Variants in CFAP299 observed in about 807,000 individuals in gnomAD.
CFAP299 encodes the protein cilia and flagella associated protein 299, also known as cilia- and flagella-associated protein 299.
CFAP299 carries 21 observed loss-of-function variants against 27.0 expected under a neutral mutation model. The observed-to-expected ratio is 0.78, with a 90% CI of 0.55 to 1.12. The LOEUF is 1.12. Ranked by LOEUF, CFAP299 falls within the 50% of genes most tolerant of loss-of-function variation. The pLI is 0.00. For synonymous variants in CFAP299, 104 were observed against 98.1 expected (o/e 1.06, Z -0.36); for missense variants, 310 against 276.6 (o/e 1.12, Z -0.86).
At chr4:80,719,621 C>T (rs1722701995) in intron 3 of CFAP299, among the ~76,000 whole-genome samples, 1 of 152,160 alleles carries the variant, frequency 6.6e-6, no homozygotes, top group African/African-American at 2.4e-5. Flanking sequence ...AAACTGCATG[C>T]TCTTTGTAAG....
chr4:80,945,249 AG>A (rs1481060293), intron 5 of CFAP299, among the ~76,000 whole-genome samples: 1 of 152,198 alleles, frequency 6.6e-6, no homozygotes, highest in Admixed American at 6.5e-5. Flanking sequence ...CCGATCCTGC[AG>A]ATGTCCAGCC....
rs372565055 is a variant in CFAP299, at chr4:80,680,610, A to G, written c.333+97427A>G. Among the ~76,000 whole-genome samples the G allele has an allele frequency of 1.3e-4, 20 of 152,278 alleles. No homozygotes were observed. The South Asian group carries it at 3.9e-3, about 30-fold the overall frequency. On this transcript the variant is annotated intron_variant, in intron 3 of 5. Transcript: ENST00000358105. ...TTGGACAAAGATGGTTTCATAGAGG[A>G]TGAGGAAAGACTGAAGAAAAAAAGA...
At chr4:80,386,222 A>G in intron 2 of CFAP299, 1 of 1,008,568 alleles carries the variant, frequency 9.9e-7, no homozygotes, top group Non-Finnish European at 1.5e-6. Context: ...AGCATGGCAC[A>G]TGGGCCCTCG....
intron 2 of CFAP299, among the ~76,000 whole-genome samples, chr4:80,363,224 G>A (rs796668281): frequency 3.9e-5 from 6 of 152,104 alleles, no homozygotes; most frequent in Non-Finnish European, 7.4e-5. Context: ...GTACTTTGAG[G>A]TCTGTAAATC....
At chr4:80,899,339 C>A (rs910625823) in intron 4 of CFAP299, among the ~76,000 whole-genome samples, 1 of 152,030 alleles carries the variant, frequency 6.6e-6, no homozygotes. Context: ...AAAGTTAGTG[C>A]TTAAATCCTT....
chr4:80,749,953 A>G (rs1397033698), intron 3 of CFAP299, among the ~76,000 whole-genome samples: 4 of 152,236 alleles, frequency 2.6e-5, no homozygotes, highest in East Asian at 1.9e-4. Flanking sequence ...AGTACTTATC[A>G]TAGTACCTGA....
intron 3 of CFAP299, among the ~76,000 whole-genome samples, chr4:80,640,024 T>C (rs1739648031): frequency 6.6e-6 from 1 of 152,134 alleles, no homozygotes; most frequent in African/African-American, 2.4e-5. Flanking sequence ...GGTGAAAAAG[T>C]TCTGGAGATG....
chr4:80,772,628 G>A (rs531360283), intron 3 of CFAP299, among the ~76,000 whole-genome samples: 1 of 152,046 alleles, frequency 6.6e-6, no homozygotes, highest in East Asian at 1.9e-4. Context: ...CATGTGCCAT[G>A]GTGGTTTGCT....
At chr4:80,411,953 T>A (rs1303444025) in intron 2 of CFAP299, among the ~76,000 whole-genome samples, 2 of 152,132 alleles carry the variant, frequency 1.3e-5, no homozygotes, top group Non-Finnish European at 2.9e-5. Flanking sequence ...CTTCTCTAAG[T>A]ACTACTCTGA....
intron 3 of CFAP299, among the ~76,000 whole-genome samples, chr4:80,833,931 A>C (rs1311123941): frequency 6.6e-6 from 1 of 152,216 alleles, no homozygotes; most frequent in Non-Finnish European, 1.5e-5. Flanking sequence ...GAAGCTAAAG[A>C]GACCATTCCA....
intron 5 of CFAP299, among the ~76,000 whole-genome samples, chr4:80,952,638 G>A (rs909183310): frequency 6.6e-6 from 1 of 152,054 alleles, no homozygotes. Context: ...CTGAGCAAAA[G>A]ACTAGACACA....
chr4:80,686,583 G>T (rs551381579), intron 3 of CFAP299, among the ~76,000 whole-genome samples: 1 of 152,152 alleles, frequency 6.6e-6, no homozygotes, highest in African/African-American at 2.4e-5. Flanking sequence ...TGCTTTTACC[G>T]CTGTTAATCA....
chr4:80,556,842 C>T (rs1178099078), intron 2 of CFAP299, among the ~76,000 whole-genome samples: 1 of 151,926 alleles, frequency 6.6e-6, no homozygotes, highest in East Asian at 1.9e-4. Context: ...CAGCATGAGG[C>T]CAAGTATATC....
chr4:80,676,758 C>G (rs1408544488), intron 3 of CFAP299, among the ~76,000 whole-genome samples: 1 of 151,904 alleles, frequency 6.6e-6, no homozygotes, highest in Non-Finnish European at 1.5e-5. Context: ...TCATAATAGT[C>G]TATGGTGATT....
At chr4:80,572,894 T>G (rs1170127272) in intron 2 of CFAP299, among the ~76,000 whole-genome samples, 1 of 152,124 alleles carries the variant, frequency 6.6e-6, no homozygotes, top group Non-Finnish European at 1.5e-5. Flanking sequence ...ACACTTAAGT[T>G]GCTTACAAAT....
intron 3 of CFAP299, among the ~76,000 whole-genome samples, chr4:80,738,574 G>C (rs1341854608): frequency 6.6e-6 from 1 of 151,530 alleles, no homozygotes; most frequent in Non-Finnish European, 1.5e-5. Context: ...GGTTTCCTCT[G>C]ACATGGAATA....
intron 3 of CFAP299, among the ~76,000 whole-genome samples, chr4:80,707,863 G>A (rs116599935): frequency 1.0e-3 from 157 of 152,112 alleles, no homozygotes; most frequent in Non-Finnish European, 1.9e-3. Context: ...CAAGAAAATA[G>A]GCTTGCATAT....
At chr4:80,531,757 T>G (rs967719989) in intron 2 of CFAP299, among the ~76,000 whole-genome samples, 3 of 127,054 alleles carry the variant, frequency 2.4e-5, no homozygotes, top group Non-Finnish European at 4.9e-5. Flanking sequence ...GTTTTTTTTT[T>G]TTTTTTTTTT....
At chr4:80,887,766 C>T (rs2110182655) in intron 4 of CFAP299, among the ~76,000 whole-genome samples, 1 of 152,126 alleles carries the variant, frequency 6.6e-6, no homozygotes, top group Middle Eastern at 3.4e-3. Flanking sequence ...AAAACTACAA[C>T]AACTTTTCAA....
Sources: gnomAD v4.1 joint callset for allele counts (sites outside exome capture counted in the v4.1 genomes callset) on GRCh38, gnomAD v4.1.1 for gene constraint, MANE v1.5 for transcripts, NCBI Gene and HGNC (gene_info 2026-07-23, HGNC 2026-07-21) for gene names.